The following SERPINA1 variants were observed in gnomAD, a reference collection of about 807,000 sequenced individuals.
The protein encoded by SERPINA1 is serpin family A member 1, also known as alpha-1-antitrypsin.
In SERPINA1, 21 loss-of-function variants were observed where a neutral mutation model predicts 25.4. The ratio of observed to expected loss-of-function variants is 0.83; its 90% CI spans 0.59 to 1.19. The LOEUF (loss-of-function observed/expected upper bound fraction) is 1.19. Among genes scored for constraint, SERPINA1 ranks in the 50% most tolerant of loss-of-function variants. The pLI, the probability that SERPINA1 is intolerant of heterozygous loss-of-function variation, is 0.00. For synonymous variants in SERPINA1, 218 were observed against 211.1 expected (o/e 1.03, Z -0.29); for missense variants, 546 against 509.0 (o/e 1.07, Z -0.70).
chr14:94,384,412 G>A (rs1897161345), intron 1 of SERPINA1, among the ~76,000 whole-genome samples: 1 of 152,232 alleles, frequency 6.6e-6, no homozygotes, highest in African/African-American at 2.4e-5. Context: ...TCAGGTGATA[G>A]GCCAGTGAGG....
At position 94,383,094 on chromosome 14, in the gene SERPINA1, G is replaced by A. The variant is rs1595614724; in HGVS notation, c.144C>T (p.Asn48=). 1 of 1,614,248 alleles carries A rather than the reference G, an allele frequency of 6.2e-7. No homozygotes were observed. ...SHHDQDHPTF[N]KITPNLAEFA... ...ACTCAGCCAGGTTGGGGGTGATCTT[G>A]TTGAAGGTTGGGTGATCCTGATCAT... The change falls in exon 2 of 5, where the codon AAC becomes AAT. Residue 48 remains asparagine (N), a synonymous_variant. Coordinates refer to ENST00000393087, the MANE Select transcript of SERPINA1 (RefSeq NM_000295.5).
chr14:94,386,259 G>T (rs542739241), intron 1 of SERPINA1, among the ~76,000 whole-genome samples: 3 of 152,326 alleles, frequency 2.0e-5, no homozygotes, highest in South Asian at 4.1e-4. Context: ...GCTTCATGGT[G>T]ACATTTCTGG....
At chr14:94,385,256 G>C (rs1897214231) in intron 1 of SERPINA1, among the ~76,000 whole-genome samples, 1 of 152,208 alleles carries the variant, frequency 6.6e-6, no homozygotes, top group South Asian at 2.1e-4. Flanking sequence ...CTGGTCCTGG[G>C]GCCTCACTCT....
chr14:94,379,502 A>C lies in SERPINA1; in HGVS notation c.1027T>G (p.Ser343Ala), dbSNP rs1400497428. ...TKVFSNGADL[S>A]GVTEEAPLKL... ...AGGGGTGCCTCCTCTGTGACCCCGG[A>C]GAGGTCAGCCCCATTGCTGAAGACC... Residue 343 changes from serine (S) to alanine (A), a missense_variant, in exon 4 of 5, where the codon TCC (serine) becomes GCC (alanine). Physicochemically the swap from Ser to Ala is moderately conservative, Grantham distance 99. Transcript: ENST00000393087. 1.2e-6 allele frequency: 2 copies of C among 1,613,830 alleles called. No individual in the cohort carries two copies. Among genetic ancestry groups the C allele is most frequent in the African/African-American group, 2.7e-5 (2 of 74,788 alleles).
chr14:94,386,517 T>G (rs959188890), intron 1 of SERPINA1, among the ~76,000 whole-genome samples: 11 of 152,204 alleles, frequency 7.2e-5, no homozygotes, highest in African/African-American at 2.7e-4. Flanking sequence ...TTCACTTCTT[T>G]GAGCACTAGC....
chr14:94,387,927 C>T (rs3748312), intron 1 of SERPINA1, among the ~76,000 whole-genome samples: 36,272 of 151,972 alleles, frequency 0.24, 6,167 homozygotes, highest in African/African-American at 0.48. Flanking sequence ...GTGCCCCTCA[C>T]AGCTTCCTGT....
At chr14:94,380,464 G>A (rs977291503) in intron 3 of SERPINA1, among the ~76,000 whole-genome samples, 11 of 152,124 alleles carry the variant, frequency 7.2e-5, no homozygotes, top group African/African-American at 1.4e-4. Flanking sequence ...CTCTTCCCCC[G>A]TCCCCCCAGG....
rs1896649479 is a variant in SERPINA1, at chr14:94,379,194, T to C, written c.1065+270A>G. On this transcript the variant is annotated intron_variant, in intron 4 of 4. Transcript: ENST00000393087. ...AGTATGGATAAATCAAGGCCCAATG[T>C]CTAGAAGGTCTTGGGCAAAGTTGAA... 4 of 604,294 alleles carry C rather than the reference T, an allele frequency of 6.6e-6. No homozygotes were observed. In the East Asian group the frequency reaches 1.1e-4, roughly 17 times the overall value. 37.4% of individuals were successfully genotyped at this position (604,294 alleles called of 1,614,324 possible). A position where few individuals can be genotyped will look rare whatever the true frequency, so the allele number is the denominator to read the frequency against.
intron 1 of SERPINA1, 21 bp from the exon 2 acceptor site, chr14:94,383,262 G>T (rs202208138): frequency 1.9e-6 from 3 of 1,604,372 alleles, no homozygotes; most frequent in Non-Finnish European, 2.5e-6. Context: ...GAGATGGGGG[G>T]GCCAGGCCCC....
Position 94,382,578 on chromosome 14 carries a change from T to C in SERPINA1, c.646+14A>G. Reference sequence around the variant, plus strand: ...TTTCTATGGGAACAGCTCAGGCTGGTTGAGCAACCTTACCTTTAAAGAAGA... The same window carrying C: ...TTTCTATGGGAACAGCTCAGGCTGGCTGAGCAACCTTACCTTTAAAGAAGA... On this transcript the variant is annotated intron_variant, in intron 2 of 4. Coordinates refer to ENST00000393087, the MANE Select transcript of SERPINA1 (RefSeq NM_000295.5). 1 of 1,614,230 alleles carries C rather than the reference T, an allele frequency of 6.2e-7. No individual in the cohort carries two copies. Among genetic ancestry groups the C allele is most frequent in the Non-Finnish European group, 8.5e-7 (1 of 1,180,030 alleles).
Position 94,378,640 on chromosome 14 carries a change from C to T in SERPINA1, c.1066G>A (p.Ala356Thr). Reference protein sequence around the residue: ...TEEAPLKLSKAVHKAVLTIDE... With the variant: ...TEEAPLKLSKTVHKAVLTIDE... The stretch of plus-strand genomic sequence containing the variant: ...ATGGTCAGCACAGCCTTATGCACGG[C>T]CTGGAGGGGAGAGAAGCAGAGACAC... The change falls in exon 5 of 5, where the codon GCC becomes ACC. Residue 356 changes from alanine (A) to threonine (T), a missense_variant and splice_region_variant. Transcript: ENST00000393087. The T allele has an allele frequency of 6.2e-7, 1 of 1,613,736 alleles. No individual in the cohort carries two copies. The highest frequency in any genetic ancestry group is 2.2e-5 in the East Asian group (1 of 44,852).
At chr14:94,387,362 C>T (rs371953047) in intron 1 of SERPINA1, among the ~76,000 whole-genome samples, 5 of 152,144 alleles carry the variant, frequency 3.3e-5, no homozygotes, top group Non-Finnish European at 4.4e-5. Context: ...AGCAAGTTCT[C>T]GAGAATACCA....
intron 4 of SERPINA1, 53 bp downstream of exon 4, chr14:94,379,411 A>C (rs1407173941): frequency 6.2e-6 from 10 of 1,607,646 alleles, no homozygotes; most frequent in African/African-American, 1.4e-5. Context: ...CAGCCCCCAC[A>C]CATTCTTCCC....
intron 1 of SERPINA1, among the ~76,000 whole-genome samples, chr14:94,387,555 G>T (rs1037368734): frequency 4.6e-5 from 7 of 152,188 alleles, no homozygotes; most frequent in Admixed American, 1.3e-4. Flanking sequence ...AGGTTATCAT[G>T]TTTTGCCCAA....
In SERPINA1 at chr14:94,378,439, C is replaced by G. The variant is rs747590096; in HGVS notation, c.*10G>C. 1 of 1,613,132 alleles carries G rather than the reference C, an allele frequency of 6.2e-7. No homozygotes were observed. Among genetic ancestry groups the G allele is most frequent in the East Asian group, 2.2e-5 (1 of 44,848 alleles). ...GGGATGGAGGGGAGGGGTTGAGGAG[C>G]GAGAGGCAGTTATTTTTGGGTGGGA... On this transcript the variant is annotated 3_prime_UTR_variant, in exon 5 of 5. Transcript: ENST00000393087.
At position 94,378,338 on chromosome 14, in the gene SERPINA1, C is replaced by T; in HGVS notation, c.*111G>A. 1.1e-6 allele frequency: 1 copy of T among 949,906 alleles called. No individual in the cohort carries two copies. The highest frequency in any genetic ancestry group is 1.7e-6 in the Non-Finnish European group (1 of 595,462). The allele number at this position is 949,906 out of a possible 1,614,324, so 58.8% of individuals were successfully genotyped here. The stretch of plus-strand genomic sequence containing the variant: ...CAGGCAAAGGGAGACTCAGAGAAAA[C>T]ATGGGAGGGATTTACAGTCACATGC... On this transcript the variant is annotated 3_prime_UTR_variant, in exon 5 of 5. Transcript: ENST00000393087.
chr14:94,384,486 G>A (rs774863093), intron 1 of SERPINA1, among the ~76,000 whole-genome samples: 12 of 152,124 alleles, frequency 7.9e-5, no homozygotes, highest in Non-Finnish European at 1.3e-4. Flanking sequence ...CTGAACCAGC[G>A]AGAGCAGGCT....
intron 1 of SERPINA1, among the ~76,000 whole-genome samples, chr14:94,385,770 C>T (rs971607676): frequency 7.9e-5 from 12 of 152,196 alleles, no homozygotes; most frequent in Admixed American, 3.3e-4. Context: ...GGGAGGGTGG[C>T]GAGGGGGTGA....
At chr14:94,386,732 G>A (rs1897312655) in intron 1 of SERPINA1, among the ~76,000 whole-genome samples, 1 of 152,146 alleles carries the variant, frequency 6.6e-6, no homozygotes, top group Non-Finnish European at 1.5e-5. Context: ...CTGCTCAGCA[G>A]TGAACAGCAT....
Sources: allele counts gnomAD v4.1 joint callset (sites outside exome capture counted in the v4.1 genomes callset), GRCh38; gene constraint gnomAD v4.1.1; transcripts MANE v1.5; gene names NCBI Gene and HGNC (gene_info 2026-07-23, HGNC 2026-07-21).